VRK2: variants seen among roughly 807,000 people sequenced by gnomAD.
The protein encoded by VRK2 is VRK serine/threonine kinase 2.
A neutral mutation model predicts 57.6 loss-of-function variants in VRK2; 60 were observed. The ratio of observed to expected loss-of-function variants is 1.04; its 90% confidence interval spans 0.85 to 1.29. VRK2 has a LOEUF of 1.29. Ranked by LOEUF, VRK2 falls within the 50% of genes most tolerant of loss-of-function variation. VRK2 has a pLI of 0.00. For missense variants in VRK2, 705 were observed against 588.1 expected, an observed-to-expected ratio of 1.20 and a Z score of -2.06; for synonymous variants, 231 against 199.2, an observed-to-expected ratio of 1.16 and a Z score of -1.35.
At chr2:57,931,313 A>C (rs557045804) in intron 1 of VRK2, among the ~76,000 whole-genome samples, 224 of 152,084 alleles carry the variant, frequency 1.5e-3, no homozygotes, top group Non-Finnish European at 2.3e-3. Flanking sequence ...TAAATTTTTT[A>C]TTACAACCAT....
intron 1 of VRK2, among the ~76,000 whole-genome samples, chr2:57,937,892 CAT>C (rs1670967769): frequency 7.4e-6 from 1 of 134,746 alleles, no homozygotes; most frequent in African/African-American, 2.8e-5. Context: ...AGTGCAATGG[CAT>C]GATCTCGGCT....
At chr2:58,078,183 T>C (rs1303975114) in intron 2 of VRK2, among the ~76,000 whole-genome samples, 2 of 152,122 alleles carry the variant, frequency 1.3e-5, no homozygotes, top group African/African-American at 4.8e-5. Context: ...GAAACCAGCA[T>C]TCTACTTTTT....
chr2:58,079,950 AG>A (rs1670629184), intron 2 of VRK2, among the ~76,000 whole-genome samples: 1 of 151,856 alleles, frequency 6.6e-6, no homozygotes, highest in Admixed American at 6.6e-5. Context: ...CTAATTTTTT[AG>A]TTTTCTTAAA....
chr2:57,991,487 C>A (rs1672764868), intron 1 of VRK2, among the ~76,000 whole-genome samples: 1 of 152,012 alleles, frequency 6.6e-6, no homozygotes, highest in South Asian at 2.1e-4. Context: ...TGCTGGTGGG[C>A]TAACAAAGTC....
chr2:57,937,914 C>G (rs995969177), intron 1 of VRK2, among the ~76,000 whole-genome samples: 2 of 150,046 alleles, frequency 1.3e-5, no homozygotes, highest in African/African-American at 4.9e-5. Flanking sequence ...TCACTGCAAC[C>G]TCCACCTCCT....
chr2:58,084,036 T>A, intron 2 of VRK2, 53 bp from the exon 3 acceptor site: 2 of 1,582,630 alleles, frequency 1.3e-6, no homozygotes, highest in East Asian at 2.3e-5. Context: ...TGGTAGGTAT[T>A]CAGTAATTGG....
At chr2:58,026,578 T>A (rs1673935678) in intron 2 of VRK2, among the ~76,000 whole-genome samples, 1 of 152,196 alleles carries the variant, frequency 6.6e-6, no homozygotes, top group African/African-American at 2.4e-5. Context: ...TCTGTTTTAT[T>A]TTTAGAATGT....
At chr2:58,007,978 GTC>G (rs1324033944) in intron 1 of VRK2, among the ~76,000 whole-genome samples, 3 of 151,952 alleles carry the variant, frequency 2.0e-5, no homozygotes, top group African/African-American at 7.2e-5. Context: ...TAACAAACTT[GTC>G]TCTGTAAATA....
At chr2:58,030,118 C>T (rs1249767277) in intron 2 of VRK2, among the ~76,000 whole-genome samples, 3 of 152,076 alleles carry the variant, frequency 2.0e-5, no homozygotes, top group South Asian at 2.1e-4. Context: ...AAAGCCGTTG[C>T]TGTATTTTAG....
intron 1 of VRK2, among the ~76,000 whole-genome samples, chr2:57,947,647 C>G (rs1671302762): frequency 6.6e-6 from 1 of 152,160 alleles, no homozygotes; most frequent in Admixed American, 6.5e-5. Flanking sequence ...CAACACAGCT[C>G]CTACCAGAGC....
At chr2:57,944,859 A>G (rs1336489623) in intron 1 of VRK2, among the ~76,000 whole-genome samples, 1 of 152,232 alleles carries the variant, frequency 6.6e-6, no homozygotes, top group African/African-American at 2.4e-5. Context: ...AGGAAAAAGA[A>G]GAAAAACGTG....
At chr2:58,042,685 C>A (rs988208305), upstream of VRK2, among the ~76,000 whole-genome samples, 8 of 152,312 alleles carry the variant, frequency 5.3e-5, no homozygotes, top group East Asian at 1.5e-3. Flanking sequence ...AAAAGCAGAA[C>A]GCATGCCATA....
intron 2 of VRK2, among the ~76,000 whole-genome samples, chr2:58,075,661 C>A (rs973846289): frequency 1.3e-5 from 2 of 152,080 alleles, no homozygotes; most frequent in African/African-American, 4.8e-5. Context: ...TGGTGGGGGG[C>A]CTATGCCCCA....
At chr2:58,073,649 TA>T (rs1669661000) in intron 2 of VRK2, among the ~76,000 whole-genome samples, 3 of 13,280 alleles carry the variant, frequency 2.3e-4, no homozygotes, top group Non-Finnish European at 1.6e-4. Context: ...TATATATATA[TA>T]TATTTATATT....
In VRK2 at chr2:58,006,649, G is replaced by A. The variant is rs867003213; in HGVS notation, c.-438-19016G>A. 2.6e-5 allele frequency among the ~76,000 whole-genome samples: 4 copies of A among 152,090 alleles called. No individual in the cohort carries two copies. In the South Asian group the frequency reaches 8.3e-4, roughly 32 times the overall value. ...AGTAATTGGATCCTGGATGCCAAGG[G>A]CCAAGAGGCAGGATTCAATCTCCAA... On this transcript the variant is annotated intron_variant, in intron 1 of 15. Transcript: ENST00000417641.
chr2:58,130,351 T>C (rs1209249220), intron 8 of VRK2, among the ~76,000 whole-genome samples: 1 of 152,214 alleles, frequency 6.6e-6, no homozygotes, highest in Non-Finnish European at 1.5e-5. Context: ...ATGGGAGATT[T>C]ATTACTGAAG....
At chr2:57,928,650 G>C (rs1670620248) in intron 1 of VRK2, among the ~76,000 whole-genome samples, 1 of 152,106 alleles carries the variant, frequency 6.6e-6, no homozygotes, top group Non-Finnish European at 1.5e-5. Context: ...AGTCTTCACA[G>C]TCTGGGCCTG....
intron 1 of VRK2, among the ~76,000 whole-genome samples, chr2:58,024,876 C>T (rs568646036): frequency 3.0e-4 from 46 of 152,236 alleles, no homozygotes; most frequent in African/African-American, 5.8e-4. Flanking sequence ...GGGGGCTAAA[C>T]ATTATCAAAA....
chr2:58,051,958 A>T (rs1486241057), intron 2 of VRK2, among the ~76,000 whole-genome samples: 1 of 152,222 alleles, frequency 6.6e-6, no homozygotes, highest in African/African-American at 2.4e-5. Flanking sequence ...GGATGGGAAA[A>T]ATTGCTGTCA....
Sources: gnomAD v4.1 joint callset for allele counts (sites outside exome capture counted in the v4.1 genomes callset) on GRCh38, gnomAD v4.1.1 for gene constraint, MANE v1.5 for transcripts, NCBI Gene and HGNC (gene_info 2026-07-23, HGNC 2026-07-21) for gene names.